The following TRANK1 variants were observed in gnomAD, a reference collection of about 807,000 sequenced individuals.
TRANK1 encodes tetratricopeptide repeat and ankyrin repeat containing 1.
In TRANK1, 198 loss-of-function variants were observed where a neutral mutation model predicts 266.0. That is an observed-to-expected ratio of 0.74 (90% CI 0.66 to 0.84). The LOEUF is 0.84. Among genes scored for constraint, TRANK1 ranks in the 40% least tolerant of loss-of-function variants. The probability of loss-of-function intolerance (pLI) is 0.00; values close to 1 mark genes in which losing one functional copy is unlikely to be tolerated. For synonymous variants in TRANK1, 1,396 were observed against 1,384.1 expected, an observed-to-expected ratio of 1.01 and a Z score of -0.19; for missense variants, 3,326 against 3,634.6, an observed-to-expected ratio of 0.92 and a Z score of 2.18.
chr3:36,833,150 C>T lies in TRANK1; in HGVS notation c.6433G>A (p.Asp2145Asn). Reference protein sequence around the residue: ...GPILRIIFDLDLNLREKKTKD... With the variant: ...GPILRIIFDLNLNLREKKTKD... ...GTTTTTTTCTCTCTCAAGTTCAAATCCAGGTCAAAAATTATTCTTAATATG... is the reference window on the plus strand; with the variant it reads ...GTTTTTTTCTCTCTCAAGTTCAAATTCAGGTCAAAAATTATTCTTAATATG... The change falls in exon 22 of 24, where the codon GAT (aspartate) becomes AAT (asparagine). Residue 2145 changes from aspartate to asparagine, a missense_variant. Coordinates refer to ENST00000645898, the MANE Select transcript of TRANK1 (RefSeq NM_001329998.2). 1 of 1,613,464 alleles carries T rather than the reference C, an allele frequency of 6.2e-7. No individual in the cohort carries two copies. The highest frequency in any genetic ancestry group is 8.5e-7 in the Non-Finnish European group (1 of 1,179,624).
chr3:36,927,687 C>A (rs547620055), intron 1 of TRANK1, among the ~76,000 whole-genome samples: 4 of 152,224 alleles, frequency 2.6e-5, no homozygotes, highest in Non-Finnish European at 5.9e-5. Flanking sequence ...TCACCCCCAA[C>A]AATATTTGAC....
At position 36,828,233 on chromosome 3, in the gene TRANK1, T is replaced by A. The variant is rs1181541394; in HGVS notation, c.*42A>T. 1 of 1,444,952 alleles carries A rather than the reference T, an allele frequency of 6.9e-7. No homozygotes were observed. Among genetic ancestry groups the A allele is most frequent in the Middle Eastern group, 1.8e-4 (1 of 5,616 alleles). The allele number at this position is 1,444,952 out of a possible 1,614,324, so 89.5% of individuals were successfully genotyped here. On this transcript the variant is annotated 3_prime_UTR_variant, in exon 24 of 24. Transcript: ENST00000645898. ...CAGCGCTCAGAATTCTAAGTCAGAA[T>A]GGAATGTTCCGAAGGATGAGGAGGC...
intron 11 of TRANK1, 75 bp downstream of exon 11, chr3:36,860,831 G>A: frequency 6.7e-7 from 1 of 1,502,936 alleles, no homozygotes; most frequent in Non-Finnish European, 8.9e-7. Flanking sequence ...CAAGGGAAAG[G>A]CAGGCAGTGG....
Position 36,938,943 on chromosome 3 carries a change from G to A in TRANK1, c.23+5844C>T, listed in dbSNP as rs183080706. Among the ~76,000 whole-genome samples the A allele has an allele frequency of 2.0e-5, 3 of 151,668 alleles. No homozygotes were observed. In the East Asian group the frequency reaches 5.8e-4, roughly 29 times the overall value. On this transcript the variant is annotated intron_variant, in intron 1 of 23. Coordinates refer to ENST00000645898, the MANE Select transcript of TRANK1 (RefSeq NM_001329998.2). ...CCACCAAACTCCAGCCTGGGCAACAGAGCGAGAATCCGTCTCAAAAAAAAA... is the reference window on the plus strand; with the variant it reads ...CCACCAAACTCCAGCCTGGGCAACAAAGCGAGAATCCGTCTCAAAAAAAAA...
chr3:36,841,378 C>T (rs1391857395), intron 18 of TRANK1, among the ~76,000 whole-genome samples: 1 of 152,186 alleles, frequency 6.6e-6, no homozygotes, highest in Non-Finnish European at 1.5e-5. Context: ...TTTCAGAAAA[C>T]ATCATCTGCA....
Position 36,847,246 on chromosome 3 carries a change from C to A in TRANK1, c.4988G>T (p.Gly1663Val). Residue 1663 changes from glycine (G) to valine (V), a missense_variant, in exon 16 of 24, where the codon GGC becomes GTC. Physicochemically the swap from Gly to Val is moderately radical, Grantham distance 109. Coordinates refer to ENST00000645898, the MANE Select transcript of TRANK1 (RefSeq NM_001329998.2). ...PLVEVPLDKPGSSQGRSLMVN... is the reference protein window; with the variant it reads ...PLVEVPLDKPVSSQGRSLMVN... The stretch of plus-strand genomic sequence containing the variant: ...CATGAGAGATCGACCCTGAGAAGAG[C>A]CTGGTTTGTCCAGGGGTACTTCAAC... 2.5e-6 allele frequency: 4 copies of A among 1,613,544 alleles called. No individual in the cohort carries two copies. Among genetic ancestry groups the A allele is most frequent in the Non-Finnish European group, 3.4e-6 (4 of 1,179,698 alleles).
chr3:36,936,509 G>T (rs1399357609), intron 1 of TRANK1, among the ~76,000 whole-genome samples: 5 of 151,448 alleles, frequency 3.3e-5, no homozygotes, highest in Admixed American at 3.3e-4. Context: ...AAAAAAAAAG[G>T]AAATTGAAGG....
chr3:36,850,665 G>C (rs2125534522), intron 15 of TRANK1: 2 of 869,140 alleles, frequency 2.3e-6, no homozygotes, highest in East Asian at 1.2e-4. Context: ...TATAACCTCA[G>C]AGGGTTGGTG....
At chr3:36,929,808 G>A (rs762014865) in intron 1 of TRANK1, among the ~76,000 whole-genome samples, 3 of 152,228 alleles carry the variant, frequency 2.0e-5, no homozygotes, top group Non-Finnish European at 1.5e-5. Flanking sequence ...CTAATGACAA[G>A]AACTCTTTGA....
intron 3 of TRANK1, among the ~76,000 whole-genome samples, chr3:36,900,685 G>A (rs1028885171): frequency 6.6e-6 from 1 of 151,536 alleles, no homozygotes; most frequent in South Asian, 2.1e-4. Context: ...AGACCAGCCT[G>A]GGCAACATAG....
chr3:36,901,801 G>C (rs982493820), intron 3 of TRANK1, among the ~76,000 whole-genome samples: 1 of 152,184 alleles, frequency 6.6e-6, no homozygotes, highest in African/African-American at 2.4e-5. Context: ...GCTGTCAGGG[G>C]CTGCTGCAGG....
intron 1 of TRANK1, among the ~76,000 whole-genome samples, chr3:36,931,432 C>A (rs1224128757): frequency 6.6e-6 from 1 of 152,212 alleles, no homozygotes; most frequent in Non-Finnish European, 1.5e-5. Flanking sequence ...CAACCAAGTA[C>A]AGTGGCTCAT....
chr3:36,864,132 T>C (rs9311139), intron 10 of TRANK1, among the ~76,000 whole-genome samples, 187 bp downstream of exon 10: 50,079 of 151,996 alleles, frequency 0.33, 9,247 homozygotes, highest in East Asian at 0.57. Context: ...GGGGATGGGA[T>C]TTAGGGGTTG....
chr3:36,876,686 C>T (rs960581453), intron 8 of TRANK1, among the ~76,000 whole-genome samples: 1 of 152,222 alleles, frequency 6.6e-6, no homozygotes, highest in African/African-American at 2.4e-5. Context: ...ACTTGATTTT[C>T]ATTAGAACAT....
chr3:36,829,611 T>C lies in TRANK1; in HGVS notation c.8762A>G (p.Asp2921Gly), dbSNP rs775938984. The C allele has an allele frequency of 6.2e-7, 1 of 1,613,992 alleles. No homozygotes were observed. Among genetic ancestry groups the C allele is most frequent in the Non-Finnish European group, 8.5e-7 (1 of 1,179,890 alleles). Reference protein sequence around the residue: ...LVNILILSVRDARDWLMKTET... With the variant: ...LVNILILSVRGARDWLMKTET... Reference sequence around the variant, plus strand: ...TGTTTTCATCAACCAGTCTCGTGCATCCCTGACTGACAGGATCAGAATGTT... The same window carrying C: ...TGTTTTCATCAACCAGTCTCGTGCACCCCTGACTGACAGGATCAGAATGTT... The change falls in exon 23 of 24, where the codon GAT becomes GGT. Residue 2921 changes from aspartate (D) to glycine (G), a missense_variant. Asp to Gly is a moderately conservative substitution (Grantham distance 94). Coordinates refer to ENST00000645898, the MANE Select transcript of TRANK1 (RefSeq NM_001329998.2).
intron 1 of TRANK1, among the ~76,000 whole-genome samples, chr3:36,915,488 C>T (rs2080111825): frequency 6.6e-6 from 1 of 152,142 alleles, no homozygotes; most frequent in Admixed American, 6.5e-5. Flanking sequence ...TTTTCACACA[C>T]CCAACACACA....
rs17201603 is a variant in TRANK1, at chr3:36,857,482, G to A, written c.2240C>T (p.Pro747Leu). Residue 747 changes from proline to leucine, a missense_variant, in exon 13 of 24, where the codon CCG becomes CTG. Coordinates refer to ENST00000645898, the MANE Select transcript of TRANK1 (RefSeq NM_001329998.2). This position sits in a 1 kb window ranked among gnomAD's most constrained non-coding sequence, Gnocchi z 4.3. ...CTGAAGACAGTCCTCTGGGAAAGAC[G>A]GATCCACTTCAACCTGCTGAATCAA... ...TVLIQQVEVD[P>L]SFPEDCLQSS... is the part of the protein sequence containing the mutation. 0.028 allele frequency: 45,896 copies of A among 1,613,890 alleles called. 794 individuals carry two copies. The highest frequency in any genetic ancestry group is 0.033 in the Non-Finnish European group (38,811 of 1,179,862).
At chr3:36,837,050 G>T (rs1207053801) in intron 20 of TRANK1, among the ~76,000 whole-genome samples, 2 of 152,144 alleles carry the variant, frequency 1.3e-5, no homozygotes, top group Non-Finnish European at 2.9e-5. Flanking sequence ...CATTTCTTGT[G>T]GTCATCTCAC....
At chr3:36,865,832 G>A (rs531595907) in intron 9 of TRANK1, among the ~76,000 whole-genome samples, 6 of 152,108 alleles carry the variant, frequency 3.9e-5, no homozygotes, top group African/African-American at 7.2e-5. Flanking sequence ...AGGAGGCTGA[G>A]GCAGGAGGAT....
Sources: gnomAD v4.1 joint callset for allele counts (sites outside exome capture counted in the v4.1 genomes callset) on GRCh38, gnomAD v4.1.1 for gene constraint, Gnocchi (gnomAD v3.1) non-coding constraint, MANE v1.5 for transcripts, NCBI Gene and HGNC (gene_info 2026-07-23, HGNC 2026-07-21) for gene names.